SPMIP9: variants seen among roughly 807,000 people sequenced by gnomAD.
SPMIP9 encodes sperm microtubule inner protein 9, also known as protein SPMIP9.
the SPMIP9 span, among the ~76,000 whole-genome samples, chr2:88,527,260 G>A: frequency 3.9e-5 from 6 of 152,024 alleles, no homozygotes; most frequent in East Asian, 1.2e-3. Flanking sequence ...GAGACCAGGG[G>A]TTTGAGACCA....
At chr2:88,529,081 CAA>C in the SPMIP9 span, 1 of 1,613,596 alleles carries the variant, frequency 6.2e-7, no homozygotes, top group South Asian at 1.1e-5. Flanking sequence ...AACTCCGGGA[CAA>C]AGAGTTTTAC....
At chr2:88,526,626 CT>C in the SPMIP9 span, 1 of 727,596 alleles carries the variant, frequency 1.4e-6, no homozygotes, top group Admixed American at 2.2e-5. Flanking sequence ...GGAGATATGA[CT>C]TAGAGATCTT....
chr2:88,527,080 C>T, the SPMIP9 span, among the ~76,000 whole-genome samples: 6 of 151,930 alleles, frequency 3.9e-5, no homozygotes, highest in African/African-American at 1.5e-4. Context: ...CATTACAGAC[C>T]GCTTAAAACA....
At chr2:88,528,465 T>C in the SPMIP9 span, among the ~76,000 whole-genome samples, 1 of 152,196 alleles carries the variant, frequency 6.6e-6, no homozygotes, top group Non-Finnish European at 1.5e-5. Context: ...GTCAGTTATA[T>C]ATGTGGATAA....
the SPMIP9 span, among the ~76,000 whole-genome samples, chr2:88,526,859 G>A: frequency 3.9e-5 from 6 of 152,094 alleles, no homozygotes; most frequent in Non-Finnish European, 7.4e-5. Flanking sequence ...GTAGAGATGG[G>A]ATTTCACCAT....
chr2:88,527,310 A>G, the SPMIP9 span, among the ~76,000 whole-genome samples: 4 of 152,104 alleles, frequency 2.6e-5, no homozygotes, highest in African/African-American at 7.2e-5. Context: ...CCTGGCTGAC[A>G]TGGCGAAATC....
the SPMIP9 span, chr2:88,528,965 T>C: frequency 7.5e-7 from 1 of 1,337,564 alleles, no homozygotes; most frequent in East Asian, 2.3e-5. Context: ...TAAAGAAGGG[T>C]GTGCTCTGTC....
the SPMIP9 span, chr2:88,526,311 G>A: frequency 1.0e-6 from 1 of 980,466 alleles, no homozygotes; most frequent in Non-Finnish European, 1.6e-6. Flanking sequence ...CCCAAAGTCG[G>A]CCTTTGTCCT....
chr2:88,524,954 C>T, the SPMIP9 span, among the ~76,000 whole-genome samples: 46 of 152,226 alleles, frequency 3.0e-4, no homozygotes, highest in South Asian at 6.0e-3. Flanking sequence ...GCGAGGCCCT[C>T]GCTAGGACTT....
chr2:88,528,052 A>T, the SPMIP9 span, among the ~76,000 whole-genome samples: 1 of 150,688 alleles, frequency 6.6e-6, no homozygotes, highest in African/African-American at 2.4e-5. Flanking sequence ...ATGTCTGTTT[A>T]TGTCTTTTGC....
chr2:88,528,756 C>T, the SPMIP9 span, among the ~76,000 whole-genome samples: 4 of 152,162 alleles, frequency 2.6e-5, no homozygotes, highest in Non-Finnish European at 4.4e-5. Context: ...TATACACATA[C>T]ATGTTTATAT....
chr2:88,526,107 C>T, the SPMIP9 span, among the ~76,000 whole-genome samples: 7 of 152,042 alleles, frequency 4.6e-5, no homozygotes, highest in African/African-American at 1.7e-4. Flanking sequence ...GACATTTAGT[C>T]TGGGTCTTGG....
At chr2:88,525,486 G>A in the SPMIP9 span, 2 of 803,786 alleles carry the variant, frequency 2.5e-6, no homozygotes, top group East Asian at 4.9e-5. Flanking sequence ...CTTGATGATG[G>A]AGTGACATGC....
the SPMIP9 span, chr2:88,526,557 C>T: frequency 1.5e-6 from 2 of 1,298,280 alleles, no homozygotes; most frequent in Non-Finnish European, 2.2e-6. Context: ...CTCTCTGTTG[C>T]TTCATTTGTA....
the SPMIP9 span, chr2:88,525,664 C>T: frequency 3.0e-5 from 49 of 1,614,116 alleles, 2 homozygotes; most frequent in South Asian, 1.5e-4. Context: ...GTGAAATACC[C>T]GGGACAGGTG....
chr2:88,528,873 C>T, the SPMIP9 span, among the ~76,000 whole-genome samples: 2 of 152,198 alleles, frequency 1.3e-5, no homozygotes, highest in Admixed American at 6.6e-5. Flanking sequence ...TTACGTTTCA[C>T]TATAAACCCT....
the SPMIP9 span, chr2:88,529,193 C>G: frequency 6.2e-7 from 1 of 1,614,186 alleles, no homozygotes; most frequent in Non-Finnish European, 8.5e-7. Context: ...CGGCTTCTTC[C>G]CATCACAGGA....
At chr2:88,525,588 T>C in the SPMIP9 span, 1 of 1,611,906 alleles carries the variant, frequency 6.2e-7, no homozygotes. Flanking sequence ...AGTGGCTACT[T>C]TCCTTGTCTG....
the SPMIP9 span, chr2:88,529,469 C>T: frequency 6.2e-7 from 1 of 1,610,328 alleles, no homozygotes; most frequent in Non-Finnish European, 8.5e-7. Context: ...GCCATTTTAC[C>T]AGTAGGAAGG....
Sources: gnomAD v4.1 joint callset for allele counts (sites outside exome capture counted in the v4.1 genomes callset) on GRCh38, gnomAD v4.1.1 for gene constraint, MANE v1.5 for transcripts, NCBI Gene and HGNC (gene_info 2026-07-23, HGNC 2026-07-21) for gene names.